SGCD: variants seen among roughly 807,000 people sequenced by gnomAD.
The protein encoded by SGCD is delta-sarcoglycan.
A neutral mutation model predicts 36.6 loss-of-function variants in SGCD; 18 were observed. That is an observed-to-expected ratio of 0.49 (90% confidence interval 0.34 to 0.73). The LOEUF (loss-of-function observed/expected upper bound fraction) is 0.73, where lower values mean the gene tolerates loss of function less well. Ranked by LOEUF, SGCD falls within the 30% of genes least tolerant of loss-of-function variation. The pLI is 0.01. For missense variants in SGCD, 387 were observed against 346.7 expected (o/e 1.12, Z -0.92); for synonymous variants, 133 against 130.6 (o/e 1.02, Z -0.12).
chr5:156,576,679 T>A (rs769554993), intron 4 of SGCD, among the ~76,000 whole-genome samples: 97 of 152,378 alleles, frequency 6.4e-4, no homozygotes, highest in Middle Eastern at 6.8e-3. Flanking sequence ...TGACCAGTGA[T>A]GATAAGCATT....
the SGCD span, among the ~76,000 whole-genome samples, chr5:155,780,067 A>C: frequency 1.3e-5 from 2 of 152,180 alleles, no homozygotes; most frequent in South Asian, 4.1e-4. Context: ...CACTAGAATA[A>C]ACCTAGAAAA....
At chr5:155,778,998 A>C in the SGCD span, among the ~76,000 whole-genome samples, 41 of 152,156 alleles carry the variant, frequency 2.7e-4, no homozygotes, top group Non-Finnish European at 5.4e-4. Flanking sequence ...AAATAAATTG[A>C]ATTTTGTTGG....
intron 3 of SGCD, among the ~76,000 whole-genome samples, chr5:156,376,604 C>T (rs1054934250): frequency 6.6e-6 from 1 of 152,188 alleles, no homozygotes; most frequent in Non-Finnish European, 1.5e-5. Flanking sequence ...GCAGCTGAAT[C>T]TGACTTTTAG....
At chr5:156,138,118 G>C (rs1762501542) in intron 3 of SGCD, among the ~76,000 whole-genome samples, 1 of 152,010 alleles carries the variant, frequency 6.6e-6, no homozygotes, top group Non-Finnish European at 1.5e-5. Flanking sequence ...CACATACACG[G>C]AGCCAGGCAT....
At chr5:155,989,791 G>A (rs1013154228) in intron 1 of SGCD, among the ~76,000 whole-genome samples, 2 of 152,180 alleles carry the variant, frequency 1.3e-5, no homozygotes, top group Admixed American at 6.6e-5. Context: ...TCATTCATCT[G>A]ATCAGCCACA....
At chr5:156,441,551 G>A (rs565376287) in intron 3 of SGCD, among the ~76,000 whole-genome samples, 75 of 152,160 alleles carry the variant, frequency 4.9e-4, no homozygotes, top group Non-Finnish European at 7.5e-4. Context: ...ACATTCAGTG[G>A]TTCTGCATTG....
intron 4 of SGCD, among the ~76,000 whole-genome samples, chr5:156,539,299 G>T (rs903689760): frequency 5.3e-5 from 8 of 151,802 alleles, no homozygotes; most frequent in Admixed American, 3.9e-4. Flanking sequence ...AGTACAGGTG[G>T]TTTGGGGTTA....
chr5:155,738,711 AGT>A, the SGCD span, among the ~76,000 whole-genome samples: 1 of 126,084 alleles, frequency 7.9e-6, no homozygotes, highest in Non-Finnish European at 1.6e-5. Context: ...AGAGTGTGTG[AGT>A]GTGAGAGAGT....
At chr5:156,238,218 T>G (rs901644736) in intron 3 of SGCD, among the ~76,000 whole-genome samples, 1 of 152,220 alleles carries the variant, frequency 6.6e-6, no homozygotes, top group Non-Finnish European at 1.5e-5. Context: ...GCTGAGATTA[T>G]AAGTGTGAAC....
intron 1 of SGCD, among the ~76,000 whole-genome samples, chr5:156,040,250 T>C (rs1223371550): frequency 6.6e-6 from 1 of 152,234 alleles, no homozygotes; most frequent in Non-Finnish European, 1.5e-5. Flanking sequence ...TATGTAGCAC[T>C]ACTGTGCTAC....
intron 1 of SGCD, among the ~76,000 whole-genome samples, chr5:155,970,354 G>T (rs1175690913): frequency 6.6e-6 from 1 of 152,080 alleles, no homozygotes; most frequent in South Asian, 2.1e-4. Flanking sequence ...GTTTATTAGG[G>T]CATTTATATA....
At chr5:156,413,294 T>G (rs1253046820) in intron 3 of SGCD, among the ~76,000 whole-genome samples, 1 of 152,182 alleles carries the variant, frequency 6.6e-6, no homozygotes, top group South Asian at 2.1e-4. Context: ...GAGTGACACT[T>G]ATGCTGAGAT....
At chr5:155,927,855 T>C (rs547509526) in intron 1 of SGCD, among the ~76,000 whole-genome samples, 1 of 152,332 alleles carries the variant, frequency 6.6e-6, no homozygotes, top group South Asian at 2.1e-4. Flanking sequence ...AACTTCTGAA[T>C]GTCAGAGGCT....
intron 1 of SGCD, among the ~76,000 whole-genome samples, chr5:156,097,667 C>T (rs113855980): frequency 3.9e-5 from 6 of 152,136 alleles, no homozygotes; most frequent in African/African-American, 1.4e-4. Flanking sequence ...TCAACACTTA[C>T]TTTCATATCT....
chr5:156,490,345 A>T (rs1755879401), intron 3 of SGCD, among the ~76,000 whole-genome samples: 1 of 152,094 alleles, frequency 6.6e-6, no homozygotes. Context: ...ATCCTTTCTA[A>T]CTCATTTTAT....
chr5:155,995,039 T>C (rs1241828141), intron 1 of SGCD, among the ~76,000 whole-genome samples: 1 of 152,172 alleles, frequency 6.6e-6, no homozygotes, highest in African/African-American at 2.4e-5. Context: ...CTTCTGGTCC[T>C]GAAAAGGCCC....
intron 7 of SGCD, among the ~76,000 whole-genome samples, chr5:156,696,617 C>T (rs946295306): frequency 3.3e-5 from 5 of 152,130 alleles, no homozygotes; most frequent in African/African-American, 1.2e-4. Context: ...TCAAGCGATT[C>T]TCCTGCCTCA....
At chr5:155,925,665 T>C (rs901840244) in intron 1 of SGCD, among the ~76,000 whole-genome samples, 15 of 152,188 alleles carry the variant, frequency 9.9e-5, no homozygotes, top group African/African-American at 3.6e-4. Context: ...GCCCAGGCTG[T>C]AGTGCAGTGG....
chr5:156,192,151 C>T (rs1056695076), intron 3 of SGCD, among the ~76,000 whole-genome samples: 5 of 152,124 alleles, frequency 3.3e-5, no homozygotes, highest in South Asian at 2.1e-4. Flanking sequence ...GGGGCTGTTT[C>T]TTCCAAAAGG....
Sources: allele counts gnomAD v4.1 joint callset (sites outside exome capture counted in the v4.1 genomes callset), GRCh38; gene constraint gnomAD v4.1.1; transcripts MANE v1.5; gene names NCBI Gene and HGNC (gene_info 2026-07-23, HGNC 2026-07-21).